Variants in ST6GALNAC3 observed in about 807,000 individuals in gnomAD.
The protein encoded by ST6GALNAC3 is alpha-N-acetylgalactosaminide alpha-2,6-sialyltransferase 3.
In ST6GALNAC3, 25 loss-of-function variants were observed where a neutral mutation model predicts 32.7. The observed-to-expected ratio is 0.76, with a 90% CI of 0.56 to 1.07. The LOEUF is 1.07. ST6GALNAC3 is among the 50% of genes least tolerant of loss of function. The pLI is 0.00. For missense variants in ST6GALNAC3, 355 were observed against 382.4 expected, an observed-to-expected ratio of 0.93 and a Z score of 0.60; for synonymous variants, 129 against 133.1, an observed-to-expected ratio of 0.97 and a Z score of 0.21.
At chr1:76,615,904 C>T (rs913337482) in intron 3 of ST6GALNAC3, among the ~76,000 whole-genome samples, 24 of 147,178 alleles carry the variant, frequency 1.6e-4, no homozygotes, top group Non-Finnish European at 3.1e-4. Flanking sequence ...TGTTTTCTTC[C>T]CTCTGAGAGA....
chr1:76,390,944 G>GTTTTTTTTTTTTTTTTTTT (rs1437847135), intron 2 of ST6GALNAC3, among the ~76,000 whole-genome samples: 1 of 97,754 alleles, frequency 1.0e-5, no homozygotes, highest in Non-Finnish European at 2.0e-5. Flanking sequence ...ATATATATAT[G>GTTTTTTTTTTTTTTTTTTT]TATTTTTTTT....
chr1:76,535,231 A>G (rs992055327), intron 3 of ST6GALNAC3, among the ~76,000 whole-genome samples: 56 of 152,164 alleles, frequency 3.7e-4, no homozygotes, highest in Non-Finnish European at 7.9e-4. Context: ...CTGGCACACA[A>G]TAAGTCCTAA....
chr1:76,359,801 T>C (rs1485517856), intron 2 of ST6GALNAC3, among the ~76,000 whole-genome samples: 1 of 152,174 alleles, frequency 6.6e-6, no homozygotes, highest in East Asian at 1.9e-4. Context: ...ATTAGAGAAC[T>C]AATTTGCAAG....
intron 1 of ST6GALNAC3, among the ~76,000 whole-genome samples, chr1:76,160,700 T>C (rs1028577668): frequency 3.9e-5 from 6 of 151,988 alleles, no homozygotes; most frequent in African/African-American, 1.5e-4. Flanking sequence ...ACGGAGAAAA[T>C]CTTGGTGCAC....
At chr1:76,535,092 G>A (rs1183441680) in intron 3 of ST6GALNAC3, among the ~76,000 whole-genome samples, 1 of 152,066 alleles carries the variant, frequency 6.6e-6, no homozygotes, top group African/African-American at 2.4e-5. Context: ...CATACTCAAG[G>A]CAGTAGGGCA....
chr1:76,104,282 A>T (rs1417869272), intron 1 of ST6GALNAC3, among the ~76,000 whole-genome samples: 1 of 152,142 alleles, frequency 6.6e-6, no homozygotes, highest in Non-Finnish European at 1.5e-5. Flanking sequence ...CCCAGAAGGG[A>T]TTTACATTTG....
chr1:76,563,199 A>G (rs1029217111), intron 3 of ST6GALNAC3, among the ~76,000 whole-genome samples: 2 of 152,230 alleles, frequency 1.3e-5, no homozygotes, highest in Admixed American at 1.3e-4. Flanking sequence ...TCAGTTTTCA[A>G]TCTTGTTTGG....
intron 1 of ST6GALNAC3, among the ~76,000 whole-genome samples, chr1:76,170,374 G>A (rs1652408305): frequency 6.6e-6 from 1 of 152,184 alleles, no homozygotes; most frequent in Non-Finnish European, 1.5e-5. Context: ...TGTTGGCTTG[G>A]GGGTGGGGTG....
intron 3 of ST6GALNAC3, among the ~76,000 whole-genome samples, chr1:76,503,061 C>T (rs2164440): frequency 0.021 from 3,263 of 152,172 alleles, 61 homozygotes; most frequent in Non-Finnish European, 0.032. Context: ...TAACCTGAAA[C>T]GGAACTTACA....
intron 1 of ST6GALNAC3, among the ~76,000 whole-genome samples, chr1:76,131,561 C>T (rs1196417193): frequency 2.0e-5 from 3 of 152,166 alleles, no homozygotes; most frequent in Non-Finnish European, 4.4e-5. Context: ...ACGGGATGAT[C>T]GCCAGCACTC....
At chr1:76,474,023 A>C (rs1330212588) in intron 3 of ST6GALNAC3, among the ~76,000 whole-genome samples, 1 of 152,154 alleles carries the variant, frequency 6.6e-6, no homozygotes, top group Non-Finnish European at 1.5e-5. Flanking sequence ...GAAAAACCAT[A>C]GAAAGAGATA....
chr1:76,489,205 G>C (rs1184656122), intron 3 of ST6GALNAC3, among the ~76,000 whole-genome samples: 1 of 152,094 alleles, frequency 6.6e-6, no homozygotes. Context: ...AGGTATTTGA[G>C]TACTATTACT....
intron 1 of ST6GALNAC3, among the ~76,000 whole-genome samples, chr1:76,125,887 A>G (rs1649206592): frequency 6.6e-6 from 1 of 152,082 alleles, no homozygotes; most frequent in African/African-American, 2.4e-5. Context: ...ACACCAATCT[A>G]CTTTTATTCC....
chr1:76,517,936 T>C (rs962719019), intron 3 of ST6GALNAC3, among the ~76,000 whole-genome samples: 8 of 152,032 alleles, frequency 5.3e-5, no homozygotes, highest in Non-Finnish European at 8.8e-5. Flanking sequence ...CTGTTACAAA[T>C]GTGTAAAATT....
intron 1 of ST6GALNAC3, among the ~76,000 whole-genome samples, chr1:76,139,608 G>A (rs1650190492): frequency 6.6e-6 from 1 of 152,198 alleles, no homozygotes; most frequent in Admixed American, 6.5e-5. Flanking sequence ...CAGAGAGAGG[G>A]AGAGATATGA....
At chr1:76,374,897 C>A (rs909562163) in intron 2 of ST6GALNAC3, among the ~76,000 whole-genome samples, 2 of 146,292 alleles carry the variant, frequency 1.4e-5, no homozygotes, top group Non-Finnish European at 3.0e-5. Context: ...TAGAAATAAC[C>A]AAAAAATGTT....
intron 3 of ST6GALNAC3, among the ~76,000 whole-genome samples, chr1:76,531,281 G>A (rs1663237253): frequency 6.6e-6 from 1 of 152,162 alleles, no homozygotes; most frequent in African/African-American, 2.4e-5. Context: ...ATTAGCATGT[G>A]TAAATATGGA....
At chr1:76,204,097 T>C (rs1654688867) in intron 1 of ST6GALNAC3, among the ~76,000 whole-genome samples, 2 of 152,164 alleles carry the variant, frequency 1.3e-5, no homozygotes, top group South Asian at 4.1e-4. Flanking sequence ...CTCTCTATCT[T>C]CATGAGATCC....
At chr1:76,346,614 G>C (rs1163161920) in intron 2 of ST6GALNAC3, among the ~76,000 whole-genome samples, 1 of 152,190 alleles carries the variant, frequency 6.6e-6, no homozygotes, top group Non-Finnish European at 1.5e-5. Context: ...AGCTACAGAG[G>C]CAGTGGGGTA....
Sources: allele counts gnomAD v4.1 joint callset (sites outside exome capture counted in the v4.1 genomes callset), GRCh38; gene constraint gnomAD v4.1.1; transcripts MANE v1.5; gene names NCBI Gene and HGNC (gene_info 2026-07-23, HGNC 2026-07-21).